NCOA1: variants seen among roughly 807,000 people sequenced by gnomAD.
NCOA1 encodes Hin-2 protein.
A neutral mutation model predicts 150.9 loss-of-function variants in NCOA1; 35 were observed. That is an observed-to-expected ratio of 0.23 (90% CI 0.18 to 0.31). The LOEUF (loss-of-function observed/expected upper bound fraction) is 0.31, where lower values mean the gene tolerates loss of function less well. Among genes scored for constraint, NCOA1 ranks in the 10% least tolerant of loss-of-function variants. The probability of loss-of-function intolerance (pLI) is 1.00; values close to 1 mark genes in which losing one functional copy is unlikely to be tolerated. For synonymous variants in NCOA1, 590 were observed against 630.0 expected, an observed-to-expected ratio of 0.94 and a Z score of 0.95; for missense variants, 1,491 against 1,749.3, an observed-to-expected ratio of 0.85 and a Z score of 2.63.
At chr2:24,663,965 G>T (rs1003072725) in intron 5 of NCOA1, among the ~76,000 whole-genome samples, 1 of 152,132 alleles carries the variant, frequency 6.6e-6, no homozygotes, top group African/African-American at 2.4e-5. Context: ...CAGTTTACTC[G>T]TGTTGCAGTT....
At chr2:24,709,808 T>C (rs564625038) in intron 13 of NCOA1, among the ~76,000 whole-genome samples, 9 of 152,384 alleles carry the variant, frequency 5.9e-5, no homozygotes, top group African/African-American at 2.2e-4. Flanking sequence ...TGGATAATTA[T>C]GTTGTGACAT....
At chr2:24,644,204 T>A (rs1670358873) in intron 4 of NCOA1, 82 bp downstream of exon 4, 1 of 152,204 alleles carries the variant, frequency 6.6e-6, no homozygotes. Context: ...GACTGTTATC[T>A]TTTATGGAAA....
chr2:24,702,861 C>T (rs965266700), intron 11 of NCOA1, among the ~76,000 whole-genome samples: 3 of 152,142 alleles, frequency 2.0e-5, no homozygotes, highest in Admixed American at 1.3e-4. Context: ...TTGATGTGTA[C>T]GGCAAATGTT....
At chr2:24,524,502 C>T (rs937873136) in intron 1 of NCOA1, among the ~76,000 whole-genome samples, 1 of 151,966 alleles carries the variant, frequency 6.6e-6, no homozygotes, top group African/African-American at 2.4e-5. Flanking sequence ...ACTCTGTTGC[C>T]CACACTGGTC....
At chr2:24,550,223 C>A (rs1356350473) in intron 1 of NCOA1, among the ~76,000 whole-genome samples, 1 of 152,198 alleles carries the variant, frequency 6.6e-6, no homozygotes, top group East Asian at 1.9e-4. Flanking sequence ...GCCTGTTACC[C>A]AGTTCCAAAG....
chr2:24,600,450 G>T (rs893007019), intron 3 of NCOA1, among the ~76,000 whole-genome samples: 2 of 152,068 alleles, frequency 1.3e-5, no homozygotes, highest in Admixed American at 6.5e-5. Context: ...CAAGTGATCC[G>T]CACGCCTTGG....
chr2:24,601,895 C>G (rs1398729845), intron 3 of NCOA1, among the ~76,000 whole-genome samples: 3 of 152,116 alleles, frequency 2.0e-5, no homozygotes, highest in African/African-American at 7.2e-5. Context: ...CTTGGCCTCC[C>G]AAAGTGCTGG....
chr2:24,494,026 G>A (rs1189149011), intron 1 of NCOA1, among the ~76,000 whole-genome samples: 1 of 152,212 alleles, frequency 6.6e-6, no homozygotes, highest in Non-Finnish European at 1.5e-5. Flanking sequence ...CTATAGGGAA[G>A]GGTGGTAAAC....
chr2:24,627,121 GTTTTTTTTTTT>G (rs33949925), intron 3 of NCOA1, among the ~76,000 whole-genome samples: 1 of 115,146 alleles, frequency 8.7e-6, no homozygotes, highest in South Asian at 2.9e-4. Flanking sequence ...GTTTTTTGCT[GTTTTTTTTTTT>G]TTTTTTTTTT....
chr2:24,691,686 T>A (rs1441731669), intron 9 of NCOA1, 26 bp downstream of exon 9: 14 of 1,594,342 alleles, frequency 8.8e-6, no homozygotes, highest in Non-Finnish European at 1.1e-5. Context: ...CTTTTTAAAG[T>A]GTTTATTTCT....
At chr2:24,577,868 C>T (rs942906916) in intron 2 of NCOA1, among the ~76,000 whole-genome samples, 5 of 152,158 alleles carry the variant, frequency 3.3e-5, no homozygotes, top group African/African-American at 9.7e-5. Context: ...TGCTTTGACA[C>T]GGTTCAGTCT....
At chr2:24,699,294 G>A (rs1233648163) in intron 11 of NCOA1, among the ~76,000 whole-genome samples, 3 of 152,080 alleles carry the variant, frequency 2.0e-5, no homozygotes, top group Non-Finnish European at 2.9e-5. Flanking sequence ...TATAATTTAC[G>A]TACATTTTCA....
intron 3 of NCOA1, among the ~76,000 whole-genome samples, chr2:24,611,501 A>G (rs1344377928): frequency 6.6e-6 from 1 of 152,106 alleles, no homozygotes; most frequent in African/African-American, 2.4e-5. Flanking sequence ...TTCTGTTGTA[A>G]GTTATTTGAG....
chr2:24,762,676 A>G lies in NCOA1; in HGVS notation c.4066-11A>G, dbSNP rs776131984. The stretch of plus-strand genomic sequence containing the variant: ...TAGCTTGTAATTTGATCTTGTATTT[A>G]TCTTTAATAGATAAATGATCCCGCA... On this transcript the variant is annotated splice_polypyrimidine_tract_variant and intron_variant, in intron 21 of 22. Coordinates refer to ENST00000348332, the MANE Select transcript of NCOA1 (RefSeq NM_003743.5). 1 of 1,610,300 alleles carries G rather than the reference A, an allele frequency of 6.2e-7. No homozygotes were observed. Among genetic ancestry groups the G allele is most frequent in the African/African-American group, 1.3e-5 (1 of 74,944 alleles).
At chr2:24,615,393 G>A (rs1204886755) in intron 3 of NCOA1, among the ~76,000 whole-genome samples, 2 of 152,064 alleles carry the variant, frequency 1.3e-5, no homozygotes, top group African/African-American at 4.8e-5. Flanking sequence ...TACTTCATGG[G>A]GTTTTTGAAG....
At chr2:24,757,875 T>G (rs1205027177) in intron 20 of NCOA1, 98 bp from the exon 21 acceptor site, 7 of 1,125,738 alleles carry the variant, frequency 6.2e-6, no homozygotes, top group Non-Finnish European at 8.9e-6. Context: ...TACATGCAAT[T>G]TAAGGATGTA....
At chr2:24,731,154 A>AT (rs1460984593) in intron 17 of NCOA1, among the ~76,000 whole-genome samples, 1 of 151,862 alleles carries the variant, frequency 6.6e-6, no homozygotes. Context: ...TTGAATTTTT[A>AT]TAAAAGTATT....
At chr2:24,536,272 A>T (rs567764884) in intron 1 of NCOA1, among the ~76,000 whole-genome samples, 187 of 152,226 alleles carry the variant, frequency 1.2e-3, no homozygotes, top group Non-Finnish European at 2.3e-3. Flanking sequence ...TGCGTCACAA[A>T]GTTCTCGTGC....
intron 8 of NCOA1, among the ~76,000 whole-genome samples, chr2:24,683,645 G>T (rs888699209): frequency 6.6e-6 from 1 of 152,148 alleles, no homozygotes; most frequent in Non-Finnish European, 1.5e-5. Context: ...TGAACCCTGT[G>T]CCTTGGGGCA....
Sources: allele counts gnomAD v4.1 joint callset (sites outside exome capture counted in the v4.1 genomes callset), GRCh38; gene constraint gnomAD v4.1.1; transcripts MANE v1.5; gene names NCBI Gene and HGNC (gene_info 2026-07-23, HGNC 2026-07-21).